The following MGMT variants were observed in gnomAD, a reference collection of about 807,000 sequenced individuals.
The protein encoded by MGMT is O-6-methylguanine-DNA methyltransferase, also known as methylated-DNA--protein-cysteine methyltransferase.
Under a neutral mutation model 15.9 loss-of-function variants are expected in MGMT, and 14 were observed. That is an observed-to-expected ratio of 0.88 (90% CI 0.58 to 1.37). MGMT has a LOEUF of 1.37. Ranked by LOEUF, MGMT falls within the 40% of genes most tolerant of loss-of-function variation. The probability of loss-of-function intolerance (pLI) is 0.00; values close to 1 mark genes in which losing one functional copy is unlikely to be tolerated. For missense variants in MGMT, 282 were observed against 268.1 expected, an observed-to-expected ratio of 1.05 and a Z score of -0.36; for synonymous variants, 130 against 118.2, an observed-to-expected ratio of 1.10 and a Z score of -0.65.
intron 4 of MGMT, among the ~76,000 whole-genome samples, chr10:129,761,141 G>A (rs373618984): frequency 1.3e-5 from 2 of 152,168 alleles, no homozygotes; most frequent in Non-Finnish European, 2.9e-5. Flanking sequence ...GTTGTGTTGT[G>A]GCTCCGTGTA....
intron 3 of MGMT, among the ~76,000 whole-genome samples, chr10:129,724,875 A>G (rs1409912536): frequency 6.6e-6 from 1 of 152,248 alleles, no homozygotes; most frequent in African/African-American, 2.4e-5. Context: ...GGGAAAGATC[A>G]TGAAAACTGT....
intron 2 of MGMT, among the ~76,000 whole-genome samples, chr10:129,540,912 T>C (rs1846036103): frequency 6.6e-6 from 1 of 152,240 alleles, no homozygotes; most frequent in African/African-American, 2.4e-5. Context: ...GTGCTCTGTG[T>C]GGCTGCTGTC....
intron 1 of MGMT, among the ~76,000 whole-genome samples, chr10:129,478,829 A>T (rs542685985): frequency 6.6e-6 from 1 of 152,190 alleles, no homozygotes; most frequent in East Asian, 1.9e-4. Context: ...GTAGTGCTCT[A>T]TTTGAAGTGT....
chr10:129,715,409 A>T (rs1004866181), intron 3 of MGMT: 2 of 152,226 alleles, frequency 1.3e-5, no homozygotes, highest in African/African-American at 4.8e-5. Context: ...GCTTCCTTTA[A>T]TAAATTTTCA....
At chr10:129,726,438 C>T (rs370909441) in intron 3 of MGMT, among the ~76,000 whole-genome samples, 2 of 152,138 alleles carry the variant, frequency 1.3e-5, no homozygotes, top group Non-Finnish European at 2.9e-5. Flanking sequence ...TGTGAGGACG[C>T]TCTCCAGCAT....
At chr10:129,730,389 G>C (rs969179193) in intron 3 of MGMT, among the ~76,000 whole-genome samples, 1 of 152,114 alleles carries the variant, frequency 6.6e-6, no homozygotes. Flanking sequence ...CATGTTGTTC[G>C]ATAACAAGGT....
At chr10:129,747,154 C>T (rs905650129) in intron 3 of MGMT, among the ~76,000 whole-genome samples, 1 of 152,166 alleles carries the variant, frequency 6.6e-6, no homozygotes, top group Non-Finnish European at 1.5e-5. Context: ...AGTGACTTTG[C>T]TAAACTCACT....
chr10:129,740,565 A>G (rs1848620152), intron 3 of MGMT, among the ~76,000 whole-genome samples: 1 of 152,228 alleles, frequency 6.6e-6, no homozygotes, highest in Non-Finnish European at 1.5e-5. Context: ...CTCAGATGGC[A>G]CTTACTGTTG....
chr10:129,493,956 G>A (rs1478749626), intron 1 of MGMT, among the ~76,000 whole-genome samples: 3 of 152,186 alleles, frequency 2.0e-5, no homozygotes, highest in Non-Finnish European at 4.4e-5. Flanking sequence ...ACCTGACCTT[G>A]TAAGTGCTTA....
At position 129,533,105 on chromosome 10, in the gene MGMT, A is replaced by G. The variant is rs979191174; in HGVS notation, c.-12-3136A>G. Among the ~76,000 whole-genome samples, 3 of 152,200 alleles carry G rather than the reference A, an allele frequency of 2.0e-5. No individual in the cohort carries two copies. The highest frequency in any genetic ancestry group is 4.8e-5 in the African/African-American group (2 of 41,460). ...CCACCACATCCTGTTTCCAGGGGCA[A>G]TGGTGGCAACAGTGCCAGCTGCCCT... On this transcript the variant is annotated intron_variant, in intron 1 of 4. Transcript: ENST00000651593. This position sits in a 1 kb window ranked among gnomAD's most constrained non-coding sequence, Gnocchi z 4.5.
chr10:129,654,365 C>T (rs1373707619), intron 2 of MGMT, among the ~76,000 whole-genome samples: 1 of 152,132 alleles, frequency 6.6e-6, no homozygotes, highest in Non-Finnish European at 1.5e-5. Flanking sequence ...CGGGGTCGGG[C>T]ACCTGCCACA....
At chr10:129,487,980 T>TACAC (rs113664356) in intron 1 of MGMT, among the ~76,000 whole-genome samples, 66,462 of 135,900 alleles carry the variant, frequency 0.49, 17,252 homozygotes, top group Middle Eastern at 0.65. Flanking sequence ...TACGCAGGTA[T>TACAC]ACACACACAC....
intron 3 of MGMT, among the ~76,000 whole-genome samples, chr10:129,737,935 G>T (rs1321754798): frequency 6.6e-6 from 1 of 152,180 alleles, no homozygotes; most frequent in African/African-American, 2.4e-5. Context: ...CTGCGTGCTG[G>T]GAGAACCACT....
chr10:129,625,595 G>A (rs1395425342), intron 2 of MGMT, among the ~76,000 whole-genome samples: 1 of 152,188 alleles, frequency 6.6e-6, no homozygotes, highest in Non-Finnish European at 1.5e-5. Flanking sequence ...AGAACTTTAT[G>A]ATGATAATGA....
chr10:129,585,507 G>T (rs761865887), intron 2 of MGMT, among the ~76,000 whole-genome samples: 1 of 152,292 alleles, frequency 6.6e-6, no homozygotes, highest in Admixed American at 6.5e-5. Context: ...ATCCGCAGGT[G>T]CTCAAGCCTC....
intron 2 of MGMT, among the ~76,000 whole-genome samples, chr10:129,645,118 C>CTTTTTTTTTTTTTTT (rs10606297): frequency 2.5e-5 from 3 of 121,950 alleles, no homozygotes; most frequent in Non-Finnish European, 3.4e-5. Context: ...CCTGAAAGCC[C>CTTTTTTTTTTTTTTT]TTTTTTTTTT....
chr10:129,539,707 T>C (rs1439572401), intron 2 of MGMT, among the ~76,000 whole-genome samples: 5 of 152,202 alleles, frequency 3.3e-5, no homozygotes, highest in Admixed American at 6.5e-5. Flanking sequence ...AGGGTTTCAC[T>C]GTGTTAGCCA....
At chr10:129,724,318 G>T (rs1163769518) in intron 3 of MGMT, among the ~76,000 whole-genome samples, 1 of 152,174 alleles carries the variant, frequency 6.6e-6, no homozygotes, top group African/African-American at 2.4e-5. Flanking sequence ...TATATTTATT[G>T]AAGCTCTGCA....
At chr10:129,701,786 C>T (rs1315653682) in intron 2 of MGMT, 2 of 152,134 alleles carry the variant, frequency 1.3e-5, no homozygotes, top group Non-Finnish European at 2.9e-5. Context: ...AAGCCCGTGT[C>T]CAACAGGGGC....
Sources: gnomAD v4.1 joint callset for allele counts (sites outside exome capture counted in the v4.1 genomes callset) on GRCh38, gnomAD v4.1.1 for gene constraint, Gnocchi (gnomAD v3.1) non-coding constraint, MANE v1.5 for transcripts, NCBI Gene and HGNC (gene_info 2026-07-23, HGNC 2026-07-21) for gene names.